KIAA0753: variants seen among roughly 807,000 people sequenced by gnomAD.
The protein encoded by KIAA0753 is protein moonraker.
A neutral mutation model predicts 116.9 loss-of-function variants in KIAA0753; 114 were observed. The ratio of observed to expected loss-of-function variants is 0.98; its 90% confidence interval spans 0.84 to 1.14. KIAA0753 has a LOEUF of 1.14. Among genes scored for constraint, KIAA0753 ranks in the 50% most tolerant of loss-of-function variants. The pLI, the probability that KIAA0753 is intolerant of heterozygous loss-of-function variation, is 0.00. For missense variants in KIAA0753, 1,156 were observed against 1,172.4 expected (o/e 0.99, Z 0.20); for synonymous variants, 405 against 413.1 (o/e 0.98, Z 0.24).
chr17:6,597,102 A>G (rs1969536681), intron 14 of KIAA0753, among the ~76,000 whole-genome samples: 1 of 152,220 alleles, frequency 6.6e-6, no homozygotes, highest in Non-Finnish European at 1.5e-5. Context: ...TAATATGGAA[A>G]TAATCTTGTA....
At position 6,595,043 on chromosome 17, in the gene KIAA0753, T is replaced by A. The variant is rs1969366222; in HGVS notation, c.2369A>T (p.Glu790Val). ...TTTATTATATCTTTGACGAACAGAC[T>A]CCTGGTATTTCTTTAAAAAAAAAGA... ...RRMEEMEKYQ[E>V]SVRQRYNKIA... The change falls in exon 16 of 19, where the codon GAG (glutamate) becomes GTG (valine). Residue 790 changes from glutamate to valine, a missense_variant. Glu to Val is a moderately radical substitution (Grantham distance 121). Coordinates refer to ENST00000361413, the MANE Select transcript of KIAA0753 (RefSeq NM_014804.3). 1 of 1,596,580 alleles carries A rather than the reference T, an allele frequency of 6.3e-7. No homozygotes were observed. The highest frequency in any genetic ancestry group is 1.4e-5 in the African/African-American group (1 of 73,702).
At chr17:6,584,583 G>A (rs189815378) in intron 18 of KIAA0753, among the ~76,000 whole-genome samples, 14 of 151,826 alleles carry the variant, frequency 9.2e-5, no homozygotes, top group East Asian at 1.9e-4. Flanking sequence ...AATCTTCCCC[G>A]TTCTGCATTT....
At chr17:6,621,737 T>C (rs986331498) in intron 6 of KIAA0753, among the ~76,000 whole-genome samples, 4 of 152,202 alleles carry the variant, frequency 2.6e-5, no homozygotes, top group African/African-American at 9.7e-5. Context: ...GCTCAAAATG[T>C]AGGAGAGGGA....
In KIAA0753 at chr17:6,639,533, G is replaced by A. The variant is rs749943534; in HGVS notation, c.-69+1104C>T. ...AAAGCCCCAGGCACACTCGCAGGAG[G>A]CACCCTCCCAGCCTGTCCCTGTCCA... On this transcript the variant is annotated intron_variant, in intron 1 of 18. Coordinates refer to ENST00000361413, the MANE Select transcript of KIAA0753 (RefSeq NM_014804.3). This position sits in a 1 kb window ranked among gnomAD's most constrained non-coding sequence, Gnocchi z 4.3. The A allele has an allele frequency of 1.5e-4, 23 of 152,586 alleles. No individual in the cohort carries two copies. The highest frequency in any genetic ancestry group is 3.2e-4 in the Non-Finnish European group (22 of 68,342). The allele number at this position is 152,586 out of a possible 1,614,324, so 9.5% of individuals were successfully genotyped here.
In KIAA0753 at chr17:6,610,153, C is replaced by CG. The variant is rs1567562215; in HGVS notation, c.1552dup (p.Arg518ProfsTer4). The stretch of plus-strand genomic sequence containing the variant: ...GCTTTGTCTACCTCTTTCAGCTTTG[C>CG]GGAGTCCCTGTGAGAGATAAGTAAG... On this transcript the variant is annotated frameshift_variant, in exon 9 of 19. Transcript: ENST00000361413. LOFTEE classifies it high-confidence loss of function. The CG allele has an allele frequency of 4.3e-6, 7 of 1,613,984 alleles. No homozygotes were observed. The highest frequency in any genetic ancestry group is 5.1e-6 in the Non-Finnish European group (6 of 1,179,928).
intron 18 of KIAA0753, 128 bp downstream of exon 18, chr17:6,589,651 C>T: frequency 3.2e-6 from 2 of 630,520 alleles, no homozygotes; most frequent in Admixed American, 7.1e-5. Flanking sequence ...AGCCCAAGAA[C>T]AACCACTGAA....
intron 12 of KIAA0753, among the ~76,000 whole-genome samples, chr17:6,602,873 T>C (rs1969965638): frequency 6.6e-6 from 1 of 151,830 alleles, no homozygotes; most frequent in Non-Finnish European, 1.5e-5. Context: ...CGTTTAAACA[T>C]GAGAAGATAG....
intron 18 of KIAA0753, among the ~76,000 whole-genome samples, chr17:6,588,172 A>C (rs543294907): frequency 6.6e-6 from 1 of 152,328 alleles, no homozygotes; most frequent in East Asian, 1.9e-4. Context: ...ACCCCCACAA[A>C]AGAAGGAAGG....
Position 6,623,090 on chromosome 17 carries a change from G to T in KIAA0753, c.896C>A (p.Ala299Glu), listed in dbSNP as rs773244992. 1 of 1,612,424 alleles carries T rather than the reference G, an allele frequency of 6.2e-7. No individual in the cohort carries two copies. The highest frequency in any genetic ancestry group is 8.5e-7 in the Non-Finnish European group (1 of 1,179,420). The change falls in exon 6 of 19, where the codon GCA (alanine) becomes GAA (glutamate). Residue 299 changes from alanine to glutamate, a missense_variant. By Grantham distance (107) the Ala-to-Glu change is moderately radical (BLOSUM62 -1). Coordinates refer to ENST00000361413, the MANE Select transcript of KIAA0753 (RefSeq NM_014804.3). ...HKIKHTKKSW[A>E]MSKLAAAHRG... ...ATGGGCAGCCGCCAGCTTAGACATT[G>T]CCCATGACTGGTAATAAACAAGATG...
intron 7 of KIAA0753, among the ~76,000 whole-genome samples, chr17:6,615,835 CA>C (rs1401280727): frequency 6.6e-6 from 1 of 152,130 alleles, no homozygotes. Context: ...CTAATGCAAT[CA>C]ACCAATTTAA....
At chr17:6,611,372 C>A (rs1316934691) in intron 8 of KIAA0753, among the ~76,000 whole-genome samples, 1 of 152,070 alleles carries the variant, frequency 6.6e-6, no homozygotes, top group Admixed American at 6.5e-5. Flanking sequence ...TCGATCACAG[C>A]TCACTGCAGC....
intron 7 of KIAA0753, among the ~76,000 whole-genome samples, chr17:6,613,469 G>C (rs1970685524): frequency 6.6e-6 from 1 of 151,872 alleles, no homozygotes; most frequent in South Asian, 2.1e-4. Context: ...TAATTTTGAA[G>C]AACAACCAAC....
rs779674943 is a variant in KIAA0753, at chr17:6,628,621, AATGGT to A, written c.209_213del (p.Tyr70LeufsTer2). 1.2e-6 allele frequency: 2 copies of A among 1,614,186 alleles called. No homozygotes were observed. The highest frequency in any genetic ancestry group is 1.7e-6 in the Non-Finnish European group (2 of 1,180,018). On this transcript the variant is annotated frameshift_variant, in exon 3 of 19. Transcript: ENST00000361413. LOFTEE classifies it high-confidence loss of function. ...CCAACTCTACAATCTGCATCTTTAC[AATGGT>A]ATGATTCATTGTATGAGTGCTTCAG...
chr17:6,615,037 G>A (rs1471854746), intron 7 of KIAA0753, among the ~76,000 whole-genome samples: 1 of 152,166 alleles, frequency 6.6e-6, no homozygotes, highest in Non-Finnish European at 1.5e-5. Flanking sequence ...GACCTCAAGT[G>A]ATCCACCAGC....
chr17:6,594,548 CG>C (rs1969327301), intron 16 of KIAA0753, among the ~76,000 whole-genome samples: 1 of 152,106 alleles, frequency 6.6e-6, no homozygotes, highest in Non-Finnish European at 1.5e-5. Flanking sequence ...GCCTACGTGG[CG>C]GGGCATGAGG....
chr17:6,627,011 T>G (rs1019773276), intron 3 of KIAA0753, among the ~76,000 whole-genome samples: 1 of 152,158 alleles, frequency 6.6e-6, no homozygotes, highest in Admixed American at 6.5e-5. Flanking sequence ...TTTCTGTTAT[T>G]TTTATGCTGG....
intron 15 of KIAA0753, 96 bp downstream of exon 15, chr17:6,596,062 A>ACT (rs1160883052): frequency 1.6e-5 from 19 of 1,206,332 alleles, no homozygotes; most frequent in Non-Finnish European, 2.2e-5. Flanking sequence ...GGACTGTGTG[A>ACT]CTCTAACAGA....
intron 7 of KIAA0753, among the ~76,000 whole-genome samples, chr17:6,619,159 G>A (rs9893278): frequency 0.3 from 46,228 of 151,622 alleles, 7,885 homozygotes; most frequent in Admixed American, 0.39. Flanking sequence ...AACCTGGGAG[G>A]CAGAGGTTGC....
At chr17:6,594,165 A>G (rs1969290061) in intron 16 of KIAA0753, among the ~76,000 whole-genome samples, 1 of 152,226 alleles carries the variant, frequency 6.6e-6, no homozygotes, top group African/African-American at 2.4e-5. Flanking sequence ...TATTCCTAAT[A>G]GCCCAAAATT....
Sources: allele counts gnomAD v4.1 joint callset (sites outside exome capture counted in the v4.1 genomes callset), GRCh38; gene constraint gnomAD v4.1.1; non-coding constraint Gnocchi (gnomAD v3.1); transcripts MANE v1.5; gene names NCBI Gene and HGNC (gene_info 2026-07-23, HGNC 2026-07-21).